Variants in PIGL observed in about 807,000 individuals in gnomAD.
The protein encoded by PIGL is N-acetylglucosaminyl-phosphatidylinositol de-N-acetylase.
In PIGL, 22 loss-of-function variants were observed where a neutral mutation model predicts 31.1. The ratio of observed to expected loss-of-function variants is 0.71; its 90% confidence interval spans 0.51 to 1.01. PIGL has a LOEUF of 1.01. Ranked by LOEUF, PIGL falls within the 50% of genes least tolerant of loss-of-function variation. The probability of loss-of-function intolerance (pLI) is 0.00; values close to 1 mark genes in which losing one functional copy is unlikely to be tolerated. For missense variants in PIGL, 302 were observed against 315.9 expected, an observed-to-expected ratio of 0.96 and a Z score of 0.33; for synonymous variants, 131 against 117.4, an observed-to-expected ratio of 1.12 and a Z score of -0.75.
intron 1 of PIGL, 74 bp downstream of exon 1, chr17:16,217,535 C>G: frequency 8.2e-7 from 1 of 1,218,622 alleles, no homozygotes; most frequent in South Asian, 1.3e-5. Flanking sequence ...TCTCAGTCGC[C>G]TTCTTCTCGA....
At chr17:16,307,758 G>A (rs766931006) in intron 3 of PIGL, among the ~76,000 whole-genome samples, 40 of 152,180 alleles carry the variant, frequency 2.6e-4, no homozygotes, top group Admixed American at 4.6e-4. Flanking sequence ...CTTGACCCCA[G>A]GAGTTTGAGA....
chr17:16,260,533 T>G (rs900797162), intron 2 of PIGL, among the ~76,000 whole-genome samples: 1 of 152,144 alleles, frequency 6.6e-6, no homozygotes, highest in Non-Finnish European at 1.5e-5. Flanking sequence ...ATGATTTGCC[T>G]GCGAATAGGA....
chr17:16,238,152 C>T (rs1314391149), intron 2 of PIGL, among the ~76,000 whole-genome samples: 2 of 146,240 alleles, frequency 1.4e-5, no homozygotes, highest in African/African-American at 2.5e-5. Context: ...GCCGAGATCG[C>T]GCCATTGCAC....
intron 3 of PIGL, among the ~76,000 whole-genome samples, chr17:16,304,745 T>A (rs79319433): frequency 6.6e-6 from 1 of 152,126 alleles, no homozygotes; most frequent in African/African-American, 2.4e-5. Context: ...TTTCATTCAG[T>A]AAGTATTTAT....
At chr17:16,224,177 T>C (rs1200696652) in intron 1 of PIGL, among the ~76,000 whole-genome samples, 2 of 151,742 alleles carry the variant, frequency 1.3e-5, no homozygotes, top group Non-Finnish European at 2.9e-5. Flanking sequence ...ATTGCGCCAC[T>C]GCACTCCAGC....
At chr17:16,300,249 A>G in intron 3 of PIGL, 1 of 369,728 alleles carries the variant, frequency 2.7e-6, no homozygotes, top group Non-Finnish European at 4.9e-6. Flanking sequence ...TGTCCTCCTT[A>G]ACACCCTCAA....
At chr17:16,293,902 G>A (rs536020594) in intron 2 of PIGL, among the ~76,000 whole-genome samples, 1 of 152,318 alleles carries the variant, frequency 6.6e-6, no homozygotes, top group South Asian at 2.1e-4. Flanking sequence ...GAGGAGTTCA[G>A]TGAAGGTTTC....
At chr17:16,293,066 A>C (rs1018911507) in intron 2 of PIGL, among the ~76,000 whole-genome samples, 22 of 152,184 alleles carry the variant, frequency 1.4e-4, no homozygotes, top group African/African-American at 4.8e-4. Context: ...GCAAAGAACA[A>C]CTCAGATAGT....
intron 2 of PIGL, among the ~76,000 whole-genome samples, chr17:16,244,279 G>T (rs2092735214): frequency 6.6e-6 from 1 of 152,174 alleles, no homozygotes; most frequent in Non-Finnish European, 1.5e-5. Flanking sequence ...TACCGTCTTT[G>T]TTTAAACTAT....
chr17:16,258,345 A>G (rs1196793542), intron 2 of PIGL, among the ~76,000 whole-genome samples: 1 of 149,926 alleles, frequency 6.7e-6, no homozygotes, highest in Non-Finnish European at 1.5e-5. Context: ...ACACCTGGCT[A>G]ATTTTTGTAT....
chr17:16,288,341 G>A, intron 2 of PIGL, among the ~76,000 whole-genome samples: 1 of 151,880 alleles, frequency 6.6e-6, no homozygotes, highest in East Asian at 1.9e-4. Flanking sequence ...CGAGTAGCTG[G>A]GATTACAGGT....
chr17:16,243,010 T>G (rs2092729590), intron 2 of PIGL, among the ~76,000 whole-genome samples: 1 of 152,202 alleles, frequency 6.6e-6, no homozygotes, highest in African/African-American at 2.4e-5. Flanking sequence ...ATTGACAACA[T>G]ATCCAGTGTT....
chr17:16,226,103 G>T (rs935908341), intron 1 of PIGL, among the ~76,000 whole-genome samples: 8 of 152,028 alleles, frequency 5.3e-5, no homozygotes, highest in African/African-American at 9.7e-5. Flanking sequence ...CCAGGAGTTT[G>T]CGACTAGAGT....
intron 2 of PIGL, among the ~76,000 whole-genome samples, chr17:16,239,746 T>C (rs75293780): frequency 0.023 from 3,433 of 152,036 alleles, 125 homozygotes; most frequent in African/African-American, 0.078. Flanking sequence ...TATCTCAAAT[T>C]AGGGTAGCAG....
intron 2 of PIGL, among the ~76,000 whole-genome samples, chr17:16,242,644 C>CTTTTTTTT (rs35572629): frequency 5.1e-5 from 4 of 79,044 alleles, no homozygotes; most frequent in Admixed American, 1.8e-4. Context: ...TTTCTGATTC[C>CTTTTTTTT]TTTTTTTTTT....
At chr17:16,266,346 G>A (rs1407004404) in intron 2 of PIGL, among the ~76,000 whole-genome samples, 7 of 130,580 alleles carry the variant, frequency 5.4e-5, no homozygotes, top group African/African-American at 8.7e-5. Context: ...CCGAGATCGC[G>A]CCATTGCACT....
intron 2 of PIGL, among the ~76,000 whole-genome samples, chr17:16,285,053 A>G (rs1276713157): frequency 2.0e-5 from 3 of 151,976 alleles, no homozygotes; most frequent in African/African-American, 7.3e-5. Context: ...CCTGGCCTCA[A>G]GCAGCCCTCC....
At chr17:16,318,929 CA>C (rs927936781) in intron 6 of PIGL, among the ~76,000 whole-genome samples, 14 of 135,306 alleles carry the variant, frequency 1.0e-4, no homozygotes, top group South Asian at 2.4e-4. Context: ...GATTCTGTCT[CA>C]AAAAAAAAAC....
At chr17:16,261,239 G>A (rs2092818075) in intron 2 of PIGL, among the ~76,000 whole-genome samples, 1 of 152,122 alleles carries the variant, frequency 6.6e-6, no homozygotes, top group African/African-American at 2.4e-5. Flanking sequence ...GGCCCAGGCT[G>A]TTGCGTTGCC....
Sources: gnomAD v4.1 joint callset for allele counts (sites outside exome capture counted in the v4.1 genomes callset) on GRCh38, gnomAD v4.1.1 for gene constraint, MANE v1.5 for transcripts, NCBI Gene and HGNC (gene_info 2026-07-23, HGNC 2026-07-21) for gene names.